The following TMEM38B variants were observed in gnomAD, a reference collection of about 807,000 sequenced individuals.
TMEM38B encodes trimeric intracellular cation channel type B.
TMEM38B carries 24 observed loss-of-function variants against 28.7 expected under a neutral mutation model. That is an observed-to-expected ratio of 0.84 (90% confidence interval 0.61 to 1.18). The LOEUF is 1.18. TMEM38B is among the 50% of genes most tolerant of loss of function. TMEM38B has a pLI of 0.00. For synonymous variants in TMEM38B, 131 were observed against 127.7 expected, an observed-to-expected ratio of 1.03 and a Z score of -0.17; for missense variants, 380 against 350.9, an observed-to-expected ratio of 1.08 and a Z score of -0.66.
chr9:105,746,207 T>G (rs995439775), intron 4 of TMEM38B, among the ~76,000 whole-genome samples: 1 of 150,034 alleles, frequency 6.7e-6, no homozygotes, highest in African/African-American at 2.5e-5. Flanking sequence ...TTCTTCCTAC[T>G]CATGAGCATG....
chr9:105,738,247 T>C (rs1180491411), intron 4 of TMEM38B, among the ~76,000 whole-genome samples: 1 of 151,996 alleles, frequency 6.6e-6, no homozygotes, highest in African/African-American at 2.4e-5. Context: ...GTGAAGACTG[T>C]GGGTGTTCAC....
intron 4 of TMEM38B, among the ~76,000 whole-genome samples, chr9:105,732,833 G>T (rs1836809027): frequency 6.6e-6 from 1 of 151,988 alleles, no homozygotes; most frequent in Non-Finnish European, 1.5e-5. Flanking sequence ...CAGTTTTTTT[G>T]AATTCTGTGG....
intron 5 of TMEM38B, among the ~76,000 whole-genome samples, chr9:105,755,696 G>T (rs1011729122): frequency 1.3e-5 from 2 of 152,130 alleles, no homozygotes; most frequent in Admixed American, 1.3e-4. Context: ...ATTAACACAA[G>T]AGTTCTTTTG....
intron 1 of TMEM38B, among the ~76,000 whole-genome samples, chr9:105,697,546 G>T (rs912993412): frequency 1.6e-4 from 25 of 151,892 alleles, no homozygotes; most frequent in African/African-American, 6.0e-4. Context: ...CCTCTTATTG[G>T]TCATTTGTAT....
intron 4 of TMEM38B, among the ~76,000 whole-genome samples, chr9:105,728,203 A>G (rs907470827): frequency 2.0e-5 from 3 of 152,074 alleles, no homozygotes; most frequent in African/African-American, 7.2e-5. Flanking sequence ...TCAACTCGTC[A>G]TTTACATTAG....
At position 105,775,142 on chromosome 9, in the gene TMEM38B, TA is replaced by T. The variant is rs1213856916; in HGVS notation, c.*1065del. On this transcript the variant is annotated 3_prime_UTR_variant, in exon 6 of 6. Transcript: ENST00000374692. ...ACATGTAATGTGTTATTAATTTTAT[TA>T]AATGAAAACTAATCACCTTCATGTG... is the stretch of plus-strand genomic sequence containing the variant. 6.6e-6 allele frequency: 1 copy of T among 152,098 alleles called. No homozygotes were observed. Among genetic ancestry groups the T allele is most frequent in the Non-Finnish European group, 1.5e-5 (1 of 67,960 alleles). 9.4% of individuals were successfully genotyped at this position (152,098 alleles called of 1,614,324 possible).
intron 4 of TMEM38B, among the ~76,000 whole-genome samples, chr9:105,744,639 G>C (rs557178002): frequency 2.6e-5 from 4 of 151,708 alleles, no homozygotes; most frequent in African/African-American, 9.7e-5. Flanking sequence ...AGAACGTGCA[G>C]GTTTGTTACA....
chr9:105,721,873 A>T (rs1308086897), intron 3 of TMEM38B, 152 bp downstream of exon 3: 22 of 595,082 alleles, frequency 3.7e-5, no homozygotes, highest in Non-Finnish European at 5.4e-5. Context: ...TGGCTGGTAA[A>T]GTTAATTCAA....
In TMEM38B at chr9:105,705,599, G is replaced by T. The variant is rs1006262388; in HGVS notation, c.115G>T (p.Ala39Ser). 2.5e-5 allele frequency: 40 copies of T among 1,611,814 alleles called. No homozygotes were observed. The highest frequency in any genetic ancestry group is 3.3e-5 in the Non-Finnish European group (39 of 1,178,850). The part of the protein sequence containing the change: ...SVMAVKRQPG[A>S]AALAWKNPIS... ...CATATTTTACTTTACCATTTCAGGA[G>T]CAGCTGCATTGGCATGGAAGAATCC... The change falls in exon 2 of 6, where the codon GCA becomes TCA. Residue 39 changes from alanine to serine, a missense_variant and splice_region_variant. By Grantham distance (99) the Ala-to-Ser change is moderately conservative. Coordinates refer to ENST00000374692, the MANE Select transcript of TMEM38B (RefSeq NM_018112.3).
intron 4 of TMEM38B, among the ~76,000 whole-genome samples, chr9:105,735,908 C>T (rs989407439): frequency 3.9e-5 from 6 of 152,016 alleles, no homozygotes; most frequent in African/African-American, 1.2e-4. Context: ...GCTCTGTTGC[C>T]CAAGCTGGAG....
At chr9:105,749,804 A>G (rs113296077) in intron 5 of TMEM38B, among the ~76,000 whole-genome samples, 201 of 152,312 alleles carry the variant, frequency 1.3e-3, no homozygotes, top group African/African-American at 4.6e-3. Context: ...CTTTTTGGCT[A>G]ATATGGATAA....
At chr9:105,758,654 G>T in intron 5 of TMEM38B, 1 of 797,624 alleles carries the variant, frequency 1.3e-6, no homozygotes, top group South Asian at 1.4e-5. Context: ...CTGCAACTTA[G>T]CCATTTAAAA....
At chr9:105,708,586 C>G (rs1378430970) in intron 2 of TMEM38B, among the ~76,000 whole-genome samples, 2 of 152,130 alleles carry the variant, frequency 1.3e-5, no homozygotes, top group Non-Finnish European at 2.9e-5. Context: ...TTTTATGTAA[C>G]GTCTTACAAC....
chr9:105,738,713 T>G, intron 4 of TMEM38B, among the ~76,000 whole-genome samples: 1 of 143,212 alleles, frequency 7.0e-6, no homozygotes, highest in Non-Finnish European at 1.5e-5. Context: ...GTTAATTTTT[T>G]CCTTTTTTTT....
intron 5 of TMEM38B, chr9:105,760,816 G>C (rs1838015655): frequency 1.4e-6 from 1 of 733,066 alleles, no homozygotes; most frequent in African/African-American, 1.8e-5. Context: ...ATCTGAGAAT[G>C]TAGCTAATCA....
intron 4 of TMEM38B, among the ~76,000 whole-genome samples, chr9:105,739,634 C>T (rs1201763116): frequency 2.0e-5 from 3 of 152,052 alleles, no homozygotes; most frequent in Non-Finnish European, 4.4e-5. Flanking sequence ...AAGTGATTCT[C>T]CTGCCTCAGC....
At position 105,694,740 on chromosome 9, in the gene TMEM38B, T is replaced by G; in HGVS notation, c.80T>G (p.Leu27Arg). The G allele has an allele frequency of 1.2e-6, 2 of 1,612,510 alleles. No individual in the cohort carries two copies. The highest frequency in any genetic ancestry group is 1.7e-4 in the Middle Eastern group (1 of 6,022). Residue 27 changes from leucine (L) to arginine (R), a missense_variant, in exon 1 of 6, where the codon CTA (leucine) becomes CGA (arginine). Transcript: ENST00000374692. ...MFPFFDIAHY[L>R]VSVMAVKRQP... ...CCCTTTTTTGACATCGCGCACTATCTAGTGTCAGTGATGGCGGTGAAACGT... is the reference window on the plus strand; with the variant it reads ...CCCTTTTTTGACATCGCGCACTATCGAGTGTCAGTGATGGCGGTGAAACGT...
chr9:105,700,084 T>TAC (rs1300852312), intron 1 of TMEM38B, among the ~76,000 whole-genome samples: 2 of 152,216 alleles, frequency 1.3e-5, no homozygotes, highest in African/African-American at 4.8e-5. Flanking sequence ...TAATTTCTAT[T>TAC]ACACACAAAA....
At chr9:105,708,768 A>C (rs1835774830) in intron 2 of TMEM38B, among the ~76,000 whole-genome samples, 1 of 152,068 alleles carries the variant, frequency 6.6e-6, no homozygotes, top group South Asian at 2.1e-4. Context: ...CCCTGACTAA[A>C]GTAGCACCTC....
Sources: gnomAD v4.1 joint callset for allele counts (sites outside exome capture counted in the v4.1 genomes callset) on GRCh38, gnomAD v4.1.1 for gene constraint, MANE v1.5 for transcripts, NCBI Gene and HGNC (gene_info 2026-07-23, HGNC 2026-07-21) for gene names.